MOSMO: variants seen among roughly 807,000 people sequenced by gnomAD.
MOSMO encodes the protein modulator of smoothened.
In MOSMO, 5 loss-of-function variants were observed where a neutral mutation model predicts 18.4. That is an observed-to-expected ratio of 0.27 (90% CI 0.14 to 0.57). The LOEUF is 0.57. Ranked by LOEUF, MOSMO falls within the 20% of genes least tolerant of loss-of-function variation. The pLI is 0.92. For missense variants in MOSMO, 138 were observed against 211.8 expected (o/e 0.65, Z 2.16); for synonymous variants, 82 against 82.3 (o/e 1.00, Z 0.02).
chr16:22,028,371 T>TA (rs1221742405), intron 1 of MOSMO, among the ~76,000 whole-genome samples: 1 of 151,144 alleles, frequency 6.6e-6, no homozygotes, highest in East Asian at 1.9e-4. Context: ...TTTTTATGTT[T>TA]TTTTTTTTTA....
rs201517656 is a variant in MOSMO, at chr16:22,054,835, A to AT, written c.107-20643dup. On this transcript the variant is annotated intron_variant, in intron 1 of 2. Transcript: ENST00000542527. ...TCTTTTTCCTTAAGACTGTTCACAG[A>AT]TTTTTTTTTCACATTTTCATTTTAG... is the stretch of plus-strand genomic sequence containing the variant. 1.8e-4 allele frequency among the ~76,000 whole-genome samples: 27 copies of AT among 151,466 alleles called. No homozygotes were observed. The East Asian group carries it at 1.9e-3, about 11-fold the overall frequency.
intron 1 of MOSMO, among the ~76,000 whole-genome samples, chr16:22,066,675 C>T (rs1041236256): frequency 2.0e-5 from 3 of 152,160 alleles, no homozygotes; most frequent in Non-Finnish European, 2.9e-5. Flanking sequence ...GACTACTAAA[C>T]TAATCTAATA....
chr16:22,080,096 T>C (rs144241042), intron 2 of MOSMO, among the ~76,000 whole-genome samples: 1 of 152,294 alleles, frequency 6.6e-6, no homozygotes, highest in East Asian at 1.9e-4. Flanking sequence ...TACTAGCTGA[T>C]TTTAAATCAG....
chr16:22,049,989 C>G (rs748685133), intron 1 of MOSMO, among the ~76,000 whole-genome samples: 3 of 152,148 alleles, frequency 2.0e-5, no homozygotes, highest in Non-Finnish European at 4.4e-5. Flanking sequence ...GTATCCATGC[C>G]ATGGTTGGAG....
intron 1 of MOSMO, among the ~76,000 whole-genome samples, chr16:22,013,887 G>A (rs911738867): frequency 6.6e-6 from 1 of 151,244 alleles, no homozygotes; most frequent in Middle Eastern, 3.4e-3. Context: ...GTTTGGGGGG[G>A]GGGAATCTCA....
the MOSMO span, chr16:22,092,635 T>C: frequency 1.5e-5 from 24 of 1,550,428 alleles, no homozygotes; most frequent in African/African-American, 4.1e-5. Context: ...GATGGAGAAA[T>C]AAATGAAGAA....
chr16:22,030,563 G>C (rs1899972862), intron 1 of MOSMO, among the ~76,000 whole-genome samples: 1 of 152,158 alleles, frequency 6.6e-6, no homozygotes, highest in Admixed American at 6.5e-5. Context: ...TTGAGACAGA[G>C]TCTCACCCTG....
intron 1 of MOSMO, among the ~76,000 whole-genome samples, chr16:22,009,168 T>A (rs901114925): frequency 6.6e-6 from 1 of 152,252 alleles, no homozygotes; most frequent in African/African-American, 2.4e-5. Context: ...TTCTGCTTTA[T>A]TTTAGGCCCG....
intron 1 of MOSMO, among the ~76,000 whole-genome samples, chr16:22,018,383 T>C (rs1899684630): frequency 6.6e-6 from 1 of 152,188 alleles, no homozygotes; most frequent in African/African-American, 2.4e-5. Flanking sequence ...ATAGGCCATG[T>C]TCAGATCAGT....
At chr16:22,068,064 A>G (rs994171769) in intron 1 of MOSMO, among the ~76,000 whole-genome samples, 2 of 152,238 alleles carry the variant, frequency 1.3e-5, no homozygotes, top group Admixed American at 6.5e-5. Context: ...ATAAAAGGAT[A>G]CTAGTCAATA....
intron 1 of MOSMO, among the ~76,000 whole-genome samples, chr16:22,023,798 T>A (rs1056666818): frequency 1.3e-5 from 2 of 151,810 alleles, no homozygotes; most frequent in African/African-American, 4.8e-5. Flanking sequence ...TTTTACTGAG[T>A]TTTTTTTAGA....
chr16:22,062,026 T>G (rs1900654398), intron 1 of MOSMO, among the ~76,000 whole-genome samples: 2 of 152,206 alleles, frequency 1.3e-5, no homozygotes, highest in Admixed American at 1.3e-4. Context: ...ATCTATCCAC[T>G]TTATAATTGA....
intron 1 of MOSMO, among the ~76,000 whole-genome samples, chr16:22,021,711 T>C (rs1169348568): frequency 6.6e-6 from 1 of 151,868 alleles, no homozygotes; most frequent in South Asian, 2.1e-4. Flanking sequence ...GGTGGGAGGA[T>C]CTCATGAGCC....
At chr16:22,033,963 C>T (rs1260007586) in intron 1 of MOSMO, among the ~76,000 whole-genome samples, 2 of 152,042 alleles carry the variant, frequency 1.3e-5, no homozygotes, top group African/African-American at 2.4e-5. Flanking sequence ...ATGTGAAAAA[C>T]GAACTGGTTT....
intron 2 of MOSMO, among the ~76,000 whole-genome samples, chr16:22,078,206 G>A (rs1020080284): frequency 2.6e-5 from 4 of 151,990 alleles, no homozygotes; most frequent in African/African-American, 9.7e-5. Flanking sequence ...AGAAATCTGT[G>A]CCATGGAGGA....
chr16:22,083,609 CTG>C lies in MOSMO; in HGVS notation c.*2731_*2732del. On this transcript the variant is annotated 3_prime_UTR_variant, in exon 3 of 3. Coordinates refer to ENST00000542527, the MANE Select transcript of MOSMO (RefSeq NM_001164579.2). The stretch of plus-strand genomic sequence containing the variant: ...ATAGCAGGAAATCGTATCTTGTAAA[CTG>C]TATATAAAACACTGTTTTATGGTGC... 2.2e-6 allele frequency: 1 copy of C among 448,424 alleles called. No homozygotes were observed. Among genetic ancestry groups the C allele is most frequent in the Admixed American group, 2.5e-5 (1 of 39,690 alleles). The allele number at this position is 448,424 out of a possible 1,614,324, so 27.8% of individuals were successfully genotyped here. A position where few individuals can be genotyped will look rare whatever the true frequency, so the allele number is the denominator to read the frequency against.
At chr16:22,092,638 A>G in the MOSMO span, 1 of 1,550,684 alleles carries the variant, frequency 6.4e-7, no homozygotes, top group South Asian at 1.2e-5. Context: ...GGAGAAATAA[A>G]TGAAGAAATA....
At position 22,082,986 on chromosome 16, in the gene MOSMO, T is replaced by C. The variant is rs1315801307; in HGVS notation, c.*2106T>C. ...TGGACATTTGGGATTGCAGTTGCTA[T>C]TCTGATTTGATTGGTCCTCAGTCAA... On this transcript the variant is annotated 3_prime_UTR_variant, in exon 3 of 3. Coordinates refer to ENST00000542527, the MANE Select transcript of MOSMO (RefSeq NM_001164579.2). 1 of 152,208 alleles carries C rather than the reference T, an allele frequency of 6.6e-6. No homozygotes were observed. The highest frequency in any genetic ancestry group is 1.5e-5 in the Non-Finnish European group (1 of 68,042). The allele number at this position is 152,208 out of a possible 1,614,324, so 9.4% of individuals were successfully genotyped here.
intron 1 of MOSMO, among the ~76,000 whole-genome samples, chr16:22,028,040 C>T (rs1899911845): frequency 6.6e-6 from 1 of 152,148 alleles, no homozygotes; most frequent in African/African-American, 2.4e-5. Context: ...TGTCAGTTCT[C>T]TTCCTAGGTT....
Sources: allele counts gnomAD v4.1 joint callset (sites outside exome capture counted in the v4.1 genomes callset), GRCh38; gene constraint gnomAD v4.1.1; transcripts MANE v1.5; gene names NCBI Gene and HGNC (gene_info 2026-07-23, HGNC 2026-07-21).